The following GRK4 variants were observed in gnomAD, a reference collection of about 807,000 sequenced individuals.
GRK4 encodes the protein G protein-coupled receptor kinase 2-like.
GRK4 carries 73 observed loss-of-function variants against 77.9 expected under a neutral mutation model. The observed-to-expected ratio is 0.94, with a 90% CI of 0.78 to 1.14. The LOEUF (loss-of-function observed/expected upper bound fraction) is 1.14, where lower values mean the gene tolerates loss of function less well. Ranked by LOEUF, GRK4 falls within the 50% of genes most tolerant of loss-of-function variation. GRK4 has a pLI of 0.00. For missense variants in GRK4, 729 were observed against 700.2 expected (o/e 1.04, Z -0.46); for synonymous variants, 257 against 254.4 (o/e 1.01, Z -0.10).
chr4:3,017,105 G>C (rs1005169105), intron 8 of GRK4, among the ~76,000 whole-genome samples: 2 of 152,246 alleles, frequency 1.3e-5, no homozygotes, highest in Non-Finnish European at 2.9e-5. Context: ...CTGTGGACAA[G>C]TTAAATTAGT....
intron 1 of GRK4, among the ~76,000 whole-genome samples, chr4:2,969,471 G>T (rs1306967431): frequency 3.3e-5 from 5 of 151,450 alleles, no homozygotes; most frequent in African/African-American, 9.7e-5. Context: ...CCGCCTCCTG[G>T]GTTCAAGCGA....
chr4:2,992,162 C>T (rs1351832988), intron 3 of GRK4, 53 bp from the exon 4 acceptor site: 3 of 1,264,320 alleles, frequency 2.4e-6, no homozygotes, highest in South Asian at 1.2e-5. Context: ...TACAGGTATG[C>T]ACCACCACAC....
chr4:2,987,018 A>G (rs1724594558), intron 2 of GRK4: 1 of 396,076 alleles, frequency 2.5e-6, no homozygotes, highest in Non-Finnish European at 4.9e-6. Context: ...ATAGTTTTTA[A>G]TATATTGAGT....
At chr4:2,997,794 G>C (rs1728369599) in intron 4 of GRK4, among the ~76,000 whole-genome samples, 1 of 151,506 alleles carries the variant, frequency 6.6e-6, no homozygotes, top group African/African-American at 2.4e-5. Flanking sequence ...TATAGTCCCA[G>C]CTACTGAGGA....
At chr4:2,985,617 A>G (rs993227474) in intron 2 of GRK4, among the ~76,000 whole-genome samples, 6 of 152,138 alleles carry the variant, frequency 3.9e-5, no homozygotes, top group African/African-American at 1.4e-4. Flanking sequence ...GATTAGTCAG[A>G]TAAAAATATG....
At chr4:3,035,565 A>T (rs762364005) in intron 13 of GRK4, 42 bp downstream of exon 13, 1 of 1,572,580 alleles carries the variant, frequency 6.4e-7, no homozygotes, top group African/African-American at 1.4e-5. Context: ...AGGAACAGTG[A>T]TCCGCACAGC....
intron 1 of GRK4, among the ~76,000 whole-genome samples, chr4:2,975,057 C>T (rs1250745106): frequency 6.6e-6 from 1 of 152,214 alleles, no homozygotes; most frequent in Non-Finnish European, 1.5e-5. Context: ...GTAATCCCAG[C>T]ACTTTGGGAG....
At chr4:3,008,321 C>A (rs892687356) in intron 6 of GRK4, among the ~76,000 whole-genome samples, 1 of 152,188 alleles carries the variant, frequency 6.6e-6, no homozygotes, top group Non-Finnish European at 1.5e-5. Flanking sequence ...CAGTTAAACC[C>A]TGCTCAGCCT....
intron 8 of GRK4, among the ~76,000 whole-genome samples, chr4:3,018,404 T>G (rs2488807): frequency 0.041 from 6,254 of 152,200 alleles, 181 homozygotes; most frequent in African/African-American, 0.08. Flanking sequence ...TGAGGTGGTG[T>G]GCACCTGTAG....
At chr4:3,040,392 G>T (rs1742072158) in intron 15 of GRK4, among the ~76,000 whole-genome samples, 180 bp from the exon 16 acceptor site, 1 of 152,162 alleles carries the variant, frequency 6.6e-6, no homozygotes, top group African/African-American at 2.4e-5. Context: ...AGTGATCTGA[G>T]ATCCTGCCAT....
Position 3,019,953 on chromosome 4 carries a change from G to A in GRK4, c.932+122G>A, listed in dbSNP as rs116468759. 2.7e-3 allele frequency: 2,415 copies of A among 895,494 alleles called. 45 individuals are homozygous for A. The African/African-American group carries it at 0.034, about 13-fold the overall frequency. 55.5% of individuals were successfully genotyped at this position (895,494 alleles called of 1,614,324 possible). A position where few individuals can be genotyped will look rare whatever the true frequency, so the allele number is the denominator to read the frequency against. On this transcript the variant is annotated intron_variant, in intron 9 of 15. Transcript: ENST00000398052. ...GCAGGAGAATAGCTGGGAGGCCCTC[G>A]ATGGTGATTCTTAGGGTTGGTCACT...
intron 1 of GRK4, chr4:2,965,677 A>T (rs1299406528): frequency 3.6e-6 from 2 of 555,838 alleles, no homozygotes; most frequent in African/African-American, 1.9e-5. Flanking sequence ...CCATCTCTTT[A>T]AAAAAGTCTA....
chr4:3,004,578 C>T (rs903566524), intron 5 of GRK4, among the ~76,000 whole-genome samples: 1 of 152,158 alleles, frequency 6.6e-6, no homozygotes, highest in African/African-American at 2.4e-5. Context: ...TTACTGATAA[C>T]ATAAACAGCA....
At chr4:2,968,697 C>A (rs1421450721) in intron 1 of GRK4, among the ~76,000 whole-genome samples, 1 of 152,092 alleles carries the variant, frequency 6.6e-6, no homozygotes, top group Admixed American at 6.6e-5. Flanking sequence ...TATTAGCAAG[C>A]AGTGAGTGCC....
intron 10 of GRK4, among the ~76,000 whole-genome samples, chr4:3,023,496 C>G (rs530783802): frequency 6.6e-6 from 1 of 152,310 alleles, no homozygotes; most frequent in African/African-American, 2.4e-5. Flanking sequence ...GAATGCTAGT[C>G]TCCTTTTATG....
chr4:3,006,177 C>G (rs533962940), intron 5 of GRK4, among the ~76,000 whole-genome samples: 1 of 151,860 alleles, frequency 6.6e-6, no homozygotes, highest in Non-Finnish European at 1.5e-5. Context: ...GTCAGGAGTT[C>G]GAGACCAACC....
chr4:2,972,035 A>G (rs1719704737), intron 1 of GRK4, among the ~76,000 whole-genome samples: 1 of 152,210 alleles, frequency 6.6e-6, no homozygotes, highest in Non-Finnish European at 1.5e-5. Context: ...ATAGAACTCT[A>G]ACATAAACGT....
intron 1 of GRK4, among the ~76,000 whole-genome samples, chr4:2,974,001 T>A (rs988965051): frequency 6.6e-6 from 1 of 152,128 alleles, no homozygotes; most frequent in South Asian, 2.1e-4. Context: ...TCCTGACCAC[T>A]ACCCCTTCCC....
At chr4:2,967,794 T>G (rs1245378888) in intron 1 of GRK4, among the ~76,000 whole-genome samples, 2 of 151,824 alleles carry the variant, frequency 1.3e-5, no homozygotes, top group African/African-American at 4.8e-5. Context: ...TAAAAACAAT[T>G]TTTTTTTGAG....
Sources: allele counts gnomAD v4.1 joint callset (sites outside exome capture counted in the v4.1 genomes callset), GRCh38; gene constraint gnomAD v4.1.1; transcripts MANE v1.5; gene names NCBI Gene and HGNC (gene_info 2026-07-23, HGNC 2026-07-21).